The following BIRC2 variants were observed in gnomAD, a reference collection of about 807,000 sequenced individuals.
BIRC2 encodes baculoviral IAP repeat-containing protein 2.
Under a neutral mutation model 60.9 loss-of-function variants are expected in BIRC2, and 18 were observed. The ratio of observed to expected loss-of-function variants is 0.30; its 90% CI spans 0.20 to 0.44. The LOEUF is 0.44. Ranked by LOEUF, BIRC2 falls within the 20% of genes least tolerant of loss-of-function variation. The pLI, the probability that BIRC2 is intolerant of heterozygous loss-of-function variation, is 1.00. For synonymous variants in BIRC2, 282 were observed against 247.7 expected (o/e 1.14, Z -1.30); for missense variants, 701 against 728.5 (o/e 0.96, Z 0.43).
chr11:102,368,457 A>G lies in BIRC2; in HGVS notation c.1275A>G (p.Lys425=). ...TCCTGACAACTGGAGAGAACTATAA[A>G]ACAGTTAATGATATTGTGTCAGCAC... The part of the protein sequence containing the change: ...SKILTTGENY[K]TVNDIVSALL... The change falls in exon 6 of 9, where the codon AAA becomes AAG. Residue 425 remains lysine, a synonymous_variant. Coordinates refer to ENST00000227758, the MANE Select transcript of BIRC2 (RefSeq NM_001166.5). 6.2e-7 allele frequency: 1 copy of G among 1,614,048 alleles called. No individual in the cohort carries two copies. The highest frequency in any genetic ancestry group is 8.5e-7 in the Non-Finnish European group (1 of 1,179,972).
At chr11:102,366,591 C>T (rs1369562285) in intron 5 of BIRC2, among the ~76,000 whole-genome samples, 1 of 151,864 alleles carries the variant, frequency 6.6e-6, no homozygotes, top group Non-Finnish European at 1.5e-5. Context: ...AGGATGGTCT[C>T]GATCTCCTCA....
At chr11:102,357,342 C>G (rs1335327934) in intron 3 of BIRC2, among the ~76,000 whole-genome samples, 1 of 151,660 alleles carries the variant, frequency 6.6e-6, no homozygotes, top group African/African-American at 2.4e-5. Context: ...TCCTCCTCCT[C>G]CTCTTCCTTC....
intron 3 of BIRC2, among the ~76,000 whole-genome samples, chr11:102,359,907 T>A (rs906971637): frequency 5.3e-5 from 8 of 152,048 alleles, no homozygotes; most frequent in Non-Finnish European, 7.4e-5. Context: ...ATTTTTTTTT[T>A]AAATCAGCTT....
chr11:102,353,484 G>GTTTTTTTTTTTTTTTTTT (rs1565331945), intron 3 of BIRC2, among the ~76,000 whole-genome samples: 2 of 151,764 alleles, frequency 1.3e-5, no homozygotes, highest in African/African-American at 4.8e-5. Context: ...ACACTCAGTA[G>GTTTTTTTTTTTTTTTTTT]TTTTTGTATT....
chr11:102,364,581 T>G (rs1951531477), intron 5 of BIRC2, among the ~76,000 whole-genome samples: 1 of 152,192 alleles, frequency 6.6e-6, no homozygotes, highest in South Asian at 2.1e-4. Context: ...TATGTTATTG[T>G]GTCTAAAATG....
At chr11:102,359,356 T>C (rs1951459044) in intron 3 of BIRC2, among the ~76,000 whole-genome samples, 1 of 152,190 alleles carries the variant, frequency 6.6e-6, no homozygotes. Context: ...AAAACCTGTA[T>C]TTTAGAATTA....
intron 6 of BIRC2, among the ~76,000 whole-genome samples, chr11:102,370,000 T>C (rs1232931547): frequency 6.6e-6 from 1 of 152,228 alleles, no homozygotes; most frequent in Non-Finnish European, 1.5e-5. Flanking sequence ...TTGCCCACTT[T>C]TTGATGGGGT....
chr11:102,369,940 T>G (rs1256116371), intron 6 of BIRC2, among the ~76,000 whole-genome samples: 1 of 151,780 alleles, frequency 6.6e-6, no homozygotes, highest in Non-Finnish European at 1.5e-5. Context: ...TTTTCATGTG[T>G]TTTTTGGCTG....
At chr11:102,356,793 C>A (rs1951427943) in intron 3 of BIRC2, among the ~76,000 whole-genome samples, 1 of 151,560 alleles carries the variant, frequency 6.6e-6, no homozygotes, top group Non-Finnish European at 1.5e-5. Context: ...ATTCTCCTGC[C>A]TCAGCCTCCC....
At chr11:102,365,543 A>G (rs1399837489) in intron 5 of BIRC2, among the ~76,000 whole-genome samples, 4 of 152,108 alleles carry the variant, frequency 2.6e-5, no homozygotes, top group Non-Finnish European at 5.9e-5. Context: ...TGACCTGTTA[A>G]TTAGCATTTG....
intron 6 of BIRC2, among the ~76,000 whole-genome samples, chr11:102,376,227 AGAG>A (rs1951712492): frequency 6.6e-6 from 1 of 152,220 alleles, no homozygotes; most frequent in South Asian, 2.1e-4. Context: ...GTGCTAATAT[AGAG>A]AACTTCATTG....
Position 102,349,670 on chromosome 11 carries a change from T to C in BIRC2, c.-185T>C. 1.6e-6 allele frequency: 1 copy of C among 608,636 alleles called. No homozygotes were observed. Among genetic ancestry groups the C allele is most frequent in the Admixed American group, 3.2e-5 (1 of 30,952 alleles). The allele number at this position is 608,636 out of a possible 1,614,324, so 37.7% of individuals were successfully genotyped here. A position where few individuals can be genotyped will look rare whatever the true frequency, so the allele number is the denominator to read the frequency against. On this transcript the variant is annotated 5_prime_UTR_variant, in exon 2 of 9. Transcript: ENST00000227758. The stretch of plus-strand genomic sequence containing the variant: ...CCCCAAAGAGTTGTGTTCTAAGTAG[T>C]ATCTTGGTAATTCAGAGAGATACTC...
Position 102,348,658 on chromosome 11 carries a change from T to G in BIRC2, c.-1197T>G. 1 of 361,514 alleles carries G rather than the reference T, an allele frequency of 2.8e-6. No individual in the cohort carries two copies. Among genetic ancestry groups the G allele is most frequent in the Non-Finnish European group, 5.4e-6 (1 of 186,344 alleles). The allele number at this position is 361,514 out of a possible 1,614,324, so 22.4% of individuals were successfully genotyped here. The stretch of plus-strand genomic sequence containing the variant: ...TGTCCCCCTGCAGTAATAAATCCCA[T>G]TATGGAGATCTCGAAACTTTATAAA... On this transcript the variant is annotated 5_prime_UTR_variant, in exon 2 of 9. Transcript: ENST00000227758.
chr11:102,378,037 TGTAAA>T lies in BIRC2; in HGVS notation c.1714_1718del (p.Lys572ValfsTer67). The T allele has an allele frequency of 6.2e-7, 1 of 1,613,078 alleles. No homozygotes were observed. The highest frequency in any genetic ancestry group is 8.5e-7 in the Non-Finnish European group (1 of 1,179,648). On this transcript the variant is annotated frameshift_variant, in exon 9 of 9. Transcript: ENST00000227758. LOFTEE classifies it high-confidence loss of function. ...GAGGAGGTTGCAAGAAGAACGAACTTGTAAAGTGTGTATGGACAAAGAAGTTTCTG... is the reference window on the plus strand; with the variant it reads ...GAGGAGGTTGCAAGAAGAACGAACTTGTGTGTATGGACAAAGAAGTTTCTG...
chr11:102,356,638 T>C (rs1951424681), intron 3 of BIRC2, among the ~76,000 whole-genome samples: 1 of 151,788 alleles, frequency 6.6e-6, no homozygotes, highest in Admixed American at 6.6e-5. Context: ...AAATGCTTTT[T>C]CTGTGTCTGT....
At chr11:102,375,699 G>T (rs958140883) in intron 6 of BIRC2, among the ~76,000 whole-genome samples, 1 of 150,838 alleles carries the variant, frequency 6.6e-6, no homozygotes, top group Admixed American at 6.6e-5. Context: ...AGAATGGCGT[G>T]AACCCGGGAG....
Position 102,378,205 on chromosome 11 carries a change from A to G in BIRC2, c.*22A>G. On this transcript the variant is annotated 3_prime_UTR_variant, in exon 9 of 9. Transcript: ENST00000227758. ...TTAAAGAAAAATAGTCTATATTTTA[A>G]CCTGCATAAAAAGGTCTTTAAAATA... 2.0e-6 allele frequency: 3 copies of G among 1,535,154 alleles called. No individual in the cohort carries two copies. The highest frequency in any genetic ancestry group is 2.3e-5 in the East Asian group (1 of 43,830).
At chr11:102,352,274 C>T (rs573502500) in intron 3 of BIRC2, among the ~76,000 whole-genome samples, 10 of 151,132 alleles carry the variant, frequency 6.6e-5, no homozygotes, top group East Asian at 2.0e-4. Context: ...CTGCCACGCC[C>T]GGCTAATTTT....
In BIRC2 at chr11:102,368,486, T is replaced by C. The variant is rs992642841; in HGVS notation, c.1304T>C (p.Leu435Pro). 1 of 1,613,888 alleles carries C rather than the reference T, an allele frequency of 6.2e-7. No individual in the cohort carries two copies. Among genetic ancestry groups the C allele is most frequent in the Non-Finnish European group, 8.5e-7 (1 of 1,179,890 alleles). ...GTTAATGATATTGTGTCAGCACTTC[T>C]TAATGCTGAAGATGAAAAAAGAGAA... ...KTVNDIVSAL[L>P]NAEDEKREEE... is the part of the protein sequence containing the mutation. The change falls in exon 6 of 9, where the codon CTT becomes CCT. Residue 435 changes from leucine (L) to proline (P), a missense_variant. Physicochemically the swap from Leu to Pro is moderately conservative, Grantham distance 98. Transcript: ENST00000227758.
Sources: allele counts gnomAD v4.1 joint callset (sites outside exome capture counted in the v4.1 genomes callset), GRCh38; gene constraint gnomAD v4.1.1; transcripts MANE v1.5; gene names NCBI Gene and HGNC (gene_info 2026-07-23, HGNC 2026-07-21).